Variants in MEF2C observed in about 807,000 individuals in gnomAD.
MEF2C encodes myocyte enhancer factor 2C, also known as myocyte-specific enhancer factor 2C.
Under a neutral mutation model 50.5 loss-of-function variants are expected in MEF2C, and 6 were observed. The observed-to-expected ratio is 0.12, with a 90% CI of 0.07 to 0.23. The LOEUF is 0.23. Among genes scored for constraint, MEF2C ranks in the 10% least tolerant of loss-of-function variants. MEF2C has a pLI of 1.00. For synonymous variants in MEF2C, 183 were observed against 228.0 expected, an observed-to-expected ratio of 0.80 and a Z score of 1.78; for missense variants, 276 against 605.0, an observed-to-expected ratio of 0.46 and a Z score of 5.70.
At chr5:88,901,794 C>T (rs569199694) in intron 1 of MEF2C, among the ~76,000 whole-genome samples, 4 of 151,836 alleles carry the variant, frequency 2.6e-5, no homozygotes, top group African/African-American at 9.7e-5. Context: ...GAATTTACAG[C>T]CTCTCATAAT....
At chr5:88,746,423 G>GACTCTCC (rs1213328472) in intron 6 of MEF2C, 4 of 726,038 alleles carry the variant, frequency 5.5e-6, no homozygotes, top group Non-Finnish European at 6.7e-6. Flanking sequence ...TGCCTCATGA[G>GACTCTCC]ACTCTCCCTC....
At chr5:88,859,855 G>A (rs1824885463) in intron 1 of MEF2C, among the ~76,000 whole-genome samples, 1 of 152,138 alleles carries the variant, frequency 6.6e-6, no homozygotes, top group Admixed American at 6.5e-5. Context: ...ATATATTTTA[G>A]TTTATTTTCT....
At chr5:88,860,424 T>C (rs1244681664) in intron 1 of MEF2C, among the ~76,000 whole-genome samples, 1 of 152,160 alleles carries the variant, frequency 6.6e-6, no homozygotes, top group Admixed American at 6.6e-5. Flanking sequence ...CCATTCTCTA[T>C]TTCCCTTGAC....
intron 5 of MEF2C, 70 bp from the exon 6 acceptor site, chr5:88,749,187 G>A (rs1581704336): frequency 6.9e-7 from 1 of 1,440,220 alleles, no homozygotes; most frequent in Non-Finnish European, 9.3e-7. Context: ...TTTACCTTCA[G>A]CAACCTCAGT....
chr5:88,821,808 G>T (rs1808528007), intron 2 of MEF2C, among the ~76,000 whole-genome samples: 2 of 151,734 alleles, frequency 1.3e-5, no homozygotes, highest in South Asian at 4.1e-4. Context: ...ATGTTTAATG[G>T]ATACAAAAAT....
intron 3 of MEF2C, among the ~76,000 whole-genome samples, chr5:88,780,401 G>A (rs535345525): frequency 2.6e-5 from 4 of 152,188 alleles, no homozygotes; most frequent in Non-Finnish European, 2.9e-5. Flanking sequence ...ATCACAGTTC[G>A]TCTTGAAAAT....
chr5:88,737,620 G>C (rs1418423489), intron 6 of MEF2C: 1 of 985,320 alleles, frequency 1.0e-6, no homozygotes, highest in Non-Finnish European at 1.2e-6. Context: ...ATGGTGGCAG[G>C]GTGGCTATTA....
At chr5:88,815,206 G>A (rs939270061) in intron 2 of MEF2C, among the ~76,000 whole-genome samples, 5 of 152,082 alleles carry the variant, frequency 3.3e-5, no homozygotes, top group African/African-American at 1.2e-4. Context: ...TAAGGGAAAG[G>A]TCAAAGGATA....
intron 1 of MEF2C, among the ~76,000 whole-genome samples, chr5:88,852,514 TTTTTA>T (rs1426245840): frequency 6.6e-6 from 1 of 152,168 alleles, no homozygotes; most frequent in Admixed American, 6.5e-5. Context: ...TTAACAAAGA[TTTTTA>T]TTTTAATTAT....
intron 3 of MEF2C, among the ~76,000 whole-genome samples, chr5:88,768,934 C>A (rs1296765190): frequency 1.3e-5 from 2 of 152,026 alleles, no homozygotes; most frequent in African/African-American, 4.8e-5. Flanking sequence ...CATTATTGAA[C>A]GCTTAAAATT....
At chr5:88,742,372 T>C (rs1429348647) in intron 6 of MEF2C, 2 of 984,796 alleles carry the variant, frequency 2.0e-6, no homozygotes, top group Admixed American at 6.2e-5. Flanking sequence ...ATAAAACTAG[T>C]ATTTCAGGGG....
At chr5:88,794,026 T>G (rs1794961413) in intron 3 of MEF2C, among the ~76,000 whole-genome samples, 2 of 152,240 alleles carry the variant, frequency 1.3e-5, no homozygotes, top group South Asian at 4.1e-4. Context: ...TGCCACATTT[T>G]CTTTATCCAG....
At chr5:88,775,962 G>A (rs1027205103) in intron 3 of MEF2C, 7 of 243,052 alleles carry the variant, frequency 2.9e-5, no homozygotes, top group Non-Finnish European at 4.6e-5. Context: ...TAAAAGGAAT[G>A]AGCCAAATGT....
chr5:88,857,300 T>C (rs962999068), intron 1 of MEF2C, among the ~76,000 whole-genome samples: 1 of 152,248 alleles, frequency 6.6e-6, no homozygotes, highest in Non-Finnish European at 1.5e-5. Context: ...ACTCCCATTG[T>C]ATCTAGGAAG....
At chr5:88,886,414 T>C (rs1168192217), upstream of MEF2C, among the ~76,000 whole-genome samples, 3 of 152,190 alleles carry the variant, frequency 2.0e-5, no homozygotes, top group Non-Finnish European at 4.4e-5. Context: ...GAGCTTGTAC[T>C]AGGTGTCAGG....
intron 1 of MEF2C, among the ~76,000 whole-genome samples, chr5:88,876,648 C>T (rs1027107615): frequency 6.6e-6 from 1 of 151,884 alleles, no homozygotes; most frequent in Non-Finnish European, 1.5e-5. Flanking sequence ...GCCAAAGCTG[C>T]CTGTCTTCGG....
rs1302830996 is a variant in MEF2C, at chr5:88,721,710, T to A, written c.*894A>T. On this transcript the variant is annotated 3_prime_UTR_variant, in exon 11 of 11. Coordinates refer to ENST00000504921, the MANE Select transcript of MEF2C (RefSeq NM_002397.5). ...CAAAACTTCTACAAAGAGAAAACAG[T>A]TATCTTGGTTAGCAAAGCATGGAGT... 3.3e-5 allele frequency: 5 copies of A among 152,678 alleles called. No individual in the cohort carries two copies. In the South Asian group the frequency reaches 8.3e-4, roughly 25 times the overall value. 9.5% of individuals were successfully genotyped at this position (152,678 alleles called of 1,614,324 possible). A position where few individuals can be genotyped will look rare whatever the true frequency, so the allele number is the denominator to read the frequency against.
intron 3 of MEF2C, chr5:88,772,876 A>T: frequency 1.0e-6 from 1 of 985,462 alleles, no homozygotes; most frequent in African/African-American, 1.7e-5. Context: ...ATGCCCTGTG[A>T]AGAACAAACA....
At chr5:88,843,541 T>C in intron 1 of MEF2C, 1 of 889,070 alleles carries the variant, frequency 1.1e-6, no homozygotes, top group Non-Finnish European at 1.3e-6. Context: ...TATACCTTAT[T>C]CATTTTTTCT....
Sources: gnomAD v4.1 joint callset for allele counts (sites outside exome capture counted in the v4.1 genomes callset) on GRCh38, gnomAD v4.1.1 for gene constraint, MANE v1.5 for transcripts, NCBI Gene and HGNC (gene_info 2026-07-23, HGNC 2026-07-21) for gene names.